PCDHGA5: variants seen among roughly 807,000 people sequenced by gnomAD.
PCDHGA5 encodes protocadherin gamma-A5.
A neutral mutation model predicts 56.7 loss-of-function variants in PCDHGA5; 36 were observed. The observed-to-expected ratio is 0.64, with a 90% confidence interval of 0.49 to 0.84. The LOEUF (loss-of-function observed/expected upper bound fraction) is 0.84. Among genes scored for constraint, PCDHGA5 ranks in the 40% least tolerant of loss-of-function variants. The probability of loss-of-function intolerance (pLI) is 0.00; values close to 1 mark genes in which losing one functional copy is unlikely to be tolerated. For synonymous variants in PCDHGA5, 563 were observed against 520.2 expected, an observed-to-expected ratio of 1.08 and a Z score of -1.12; for missense variants, 1,305 against 1,201.5, an observed-to-expected ratio of 1.09 and a Z score of -1.27.
intron 1 of PCDHGA5, among the ~76,000 whole-genome samples, chr5:141,386,628 C>A (rs529516653): frequency 2.0e-5 from 3 of 151,780 alleles, no homozygotes; most frequent in Non-Finnish European, 4.4e-5. Flanking sequence ...CTCGCTCTGT[C>A]ACCCAGGCTG....
intron 1 of PCDHGA5, among the ~76,000 whole-genome samples, chr5:141,447,221 C>A (rs1034853072): frequency 6.6e-6 from 1 of 152,026 alleles, no homozygotes; most frequent in Non-Finnish European, 1.5e-5. Context: ...CTCACTGCAA[C>A]CTCCGCCTCC....
At chr5:141,377,453 C>T (rs1242702883) in intron 1 of PCDHGA5, 1 of 151,916 alleles carries the variant, frequency 6.6e-6, no homozygotes, top group Non-Finnish European at 1.5e-5. Flanking sequence ...AAAAAGTAGC[C>T]AGATGTGTGG....
At chr5:141,407,649 G>A (rs541467957) in intron 1 of PCDHGA5, among the ~76,000 whole-genome samples, 1 of 152,050 alleles carries the variant, frequency 6.6e-6, no homozygotes, top group East Asian at 1.9e-4. Flanking sequence ...AAAATAATGG[G>A]GGAGCGCAGT....
rs2097536640 is a variant in PCDHGA5 at position 141,432,779 on chromosome 5, G to C, written c.2422-62028G>C. 3 of 1,614,170 alleles carry C rather than the reference G, an allele frequency of 1.9e-6. No individual in the cohort carries two copies. The highest frequency in any genetic ancestry group is 2.5e-6 in the Non-Finnish European group (3 of 1,180,002). On this transcript the variant is annotated intron_variant, in intron 1 of 3. Coordinates refer to ENST00000518069, the MANE Select transcript of PCDHGA5 (RefSeq NM_018918.3). The surrounding 1 kb of genome is among the most constrained non-coding windows in gnomAD (Gnocchi z 6.0). Reference sequence around the variant, plus strand: ...CGACAGCATCCCCCAAGTCCTGGCGGACCTCGGCAGCCTCGAGTCTCCAGC... The same window carrying C: ...CGACAGCATCCCCCAAGTCCTGGCGCACCTCGGCAGCCTCGAGTCTCCAGC...
intron 1 of PCDHGA5, chr5:141,418,211 C>T (rs752988020): frequency 1.2e-6 from 2 of 1,613,916 alleles, no homozygotes; most frequent in East Asian, 4.5e-5. Context: ...AAATATTTTT[C>T]ATGTCATTGT....
intron 1 of PCDHGA5, among the ~76,000 whole-genome samples, chr5:141,386,783 C>A (rs1254282500): frequency 6.6e-6 from 1 of 152,150 alleles, no homozygotes; most frequent in Non-Finnish European, 1.5e-5. Context: ...AAAAGAAAAT[C>A]TCCTGACCAA....
At chr5:141,505,559 G>A (rs1215110084) in intron 3 of PCDHGA5, 78 bp downstream of exon 3, 27 of 1,604,592 alleles carry the variant, frequency 1.7e-5, no homozygotes, top group Non-Finnish European at 2.0e-5. Flanking sequence ...CCATGCCCAC[G>A]GACTGGATGT....
intron 1 of PCDHGA5, among the ~76,000 whole-genome samples, chr5:141,455,489 A>T (rs925133619): frequency 3.9e-5 from 6 of 152,152 alleles, no homozygotes; most frequent in African/African-American, 4.8e-5. Context: ...GGTGGAGGTG[A>T]TGTCTGATTT....
At chr5:141,374,365 G>T (rs1180030505) in intron 1 of PCDHGA5, 2 of 1,614,054 alleles carry the variant, frequency 1.2e-6, no homozygotes, top group South Asian at 1.1e-5. Flanking sequence ...ACCGCGAGGA[G>T]CTCTGTGCTC....
intron 1 of PCDHGA5, chr5:141,375,132 CA>C (rs1265573516): frequency 6.2e-7 from 1 of 1,613,834 alleles, no homozygotes; most frequent in Non-Finnish European, 8.5e-7. Context: ...GTGGTTGTTA[CA>C]TCTGGAAGCA....
rs1286991812 is a variant in PCDHGA5 at position 141,432,170 on chromosome 5, C to T, written c.2422-62637C>T. The T allele has an allele frequency of 1.2e-6, 2 of 1,614,072 alleles. No homozygotes were observed. The highest frequency in any genetic ancestry group is 1.7e-6 in the Non-Finnish European group (2 of 1,180,036). ...AGAGAACAATCCCAGAGGAGTTTCC[C>T]TCGTCTCTGTGACCGCCCACGACCC... On this transcript the variant is annotated intron_variant, in intron 1 of 3. Coordinates refer to ENST00000518069, the MANE Select transcript of PCDHGA5 (RefSeq NM_018918.3). This position sits in a 1 kb window ranked among gnomAD's most constrained non-coding sequence, Gnocchi z 6.0.
At position 141,422,030 on chromosome 5, in the gene PCDHGA5, C is replaced by T. The variant is rs1404612424; in HGVS notation, c.2421+55279C>T. ...ACTCGGGTGCTGATGGTTAATGCAA[C>T]GGATCCAGACGAGGGAATCAACGGG... On this transcript the variant is annotated intron_variant, in intron 1 of 3. Coordinates refer to ENST00000518069, the MANE Select transcript of PCDHGA5 (RefSeq NM_018918.3). 3 of 1,609,592 alleles carry T rather than the reference C, an allele frequency of 1.9e-6. No homozygotes were observed. The South Asian group carries it at 3.3e-5, about 18-fold the overall frequency.
rs979750945 is a variant in PCDHGA5 at position 141,478,807 on chromosome 5, A to G, written c.2422-16000A>G. The G allele has an allele frequency of 3.4e-6, 5 of 1,459,258 alleles. No homozygotes were observed. The African/African-American group carries it at 5.7e-5, about 17-fold the overall frequency. 90.4% of individuals were successfully genotyped at this position (1,459,258 alleles called of 1,614,324 possible). On this transcript the variant is annotated intron_variant, in intron 1 of 3. Transcript: ENST00000518069. The stretch of plus-strand genomic sequence containing the variant: ...TTCACATCCTCAGCACTCTTTTGCT[A>G]TCACAACTAACCAATCTTGCTAAGG...
At chr5:141,475,583 G>A (rs1181419200) in intron 1 of PCDHGA5, among the ~76,000 whole-genome samples, 1 of 152,198 alleles carries the variant, frequency 6.6e-6, no homozygotes, top group Non-Finnish European at 1.5e-5. Context: ...CAGATTTGTT[G>A]GTGTTTTTCC....
chr5:141,374,832 G>C, intron 1 of PCDHGA5: 13 of 1,613,908 alleles, frequency 8.1e-6, no homozygotes, highest in Non-Finnish European at 1.1e-5. Context: ...TACCGTGTAA[G>C]TGTTCCTGAA....
At chr5:141,388,333 C>G (rs962073146) in intron 1 of PCDHGA5, 1 of 1,613,738 alleles carries the variant, frequency 6.2e-7, no homozygotes, top group African/African-American at 1.3e-5. Flanking sequence ...CAGCCTGGCA[C>G]ACGATTTATA....
rs777780708 is a variant in PCDHGA5, at chr5:141,489,934, G to C, written c.2422-4873G>C. ...AGGGACCACCCTTATCTCTGTCATC[G>C]TGCTGGACATCAATGATAATGCTCC... On this transcript the variant is annotated intron_variant, in intron 1 of 3. Transcript: ENST00000518069. The surrounding 1 kb of genome is among the most constrained non-coding windows in gnomAD (Gnocchi z 4.5). The C allele has an allele frequency of 1.4e-5, 23 of 1,614,176 alleles. No homozygotes were observed. Among genetic ancestry groups the C allele is most frequent in the Non-Finnish European group, 1.8e-5 (21 of 1,180,030 alleles).
chr5:141,475,679 T>A (rs967189869), intron 1 of PCDHGA5, among the ~76,000 whole-genome samples: 2 of 152,236 alleles, frequency 1.3e-5, no homozygotes, highest in African/African-American at 4.8e-5. Flanking sequence ...GAGTCTTGAT[T>A]TGGATTGGAG....
chr5:141,383,445 G>T (rs1779137475), intron 1 of PCDHGA5: 1 of 1,613,958 alleles, frequency 6.2e-7, no homozygotes, highest in East Asian at 2.2e-5. Flanking sequence ...CCCTGGCTGT[G>T]CAAAGTGGAG....
Sources: gnomAD v4.1 joint callset for allele counts (sites outside exome capture counted in the v4.1 genomes callset) on GRCh38, gnomAD v4.1.1 for gene constraint, Gnocchi (gnomAD v3.1) non-coding constraint, MANE v1.5 for transcripts, NCBI Gene and HGNC (gene_info 2026-07-23, HGNC 2026-07-21) for gene names.